The following MBD5 variants were observed in gnomAD, a reference collection of about 807,000 sequenced individuals.
MBD5 encodes the protein methyl-CpG-binding domain protein 5.
Under a neutral mutation model 117.3 loss-of-function variants are expected in MBD5, and 13 were observed. That is an observed-to-expected ratio of 0.11 (90% CI 0.07 to 0.18). The LOEUF (loss-of-function observed/expected upper bound fraction) is 0.18, where lower values mean the gene tolerates loss of function less well. MBD5 is among the 10% of genes least tolerant of loss of function. The pLI, the probability that MBD5 is intolerant of heterozygous loss-of-function variation, is 1.00. For synonymous variants in MBD5, 727 were observed against 766.4 expected (o/e 0.95, Z 0.85); for missense variants, 1,879 against 2,093.8 (o/e 0.90, Z 2.00).
At chr2:148,428,883 A>G (rs1381357553) in intron 4 of MBD5, among the ~76,000 whole-genome samples, 2 of 152,228 alleles carry the variant, frequency 1.3e-5, no homozygotes, top group African/African-American at 2.4e-5. Flanking sequence ...ACCTAAAACC[A>G]TAAAAACGCT....
At chr2:148,440,940 T>C (rs1048240480) in intron 4 of MBD5, among the ~76,000 whole-genome samples, 2 of 151,886 alleles carry the variant, frequency 1.3e-5, no homozygotes, top group Non-Finnish European at 2.9e-5. Flanking sequence ...CAGAATACAA[T>C]GGTATCTTGG....
chr2:148,345,316 C>CACAT (rs1553503471), intron 4 of MBD5, among the ~76,000 whole-genome samples: 1 of 146,356 alleles, frequency 6.8e-6, no homozygotes, highest in Non-Finnish European at 1.5e-5. Flanking sequence ...TATACACACA[C>CACAT]ATATATATAT....
In MBD5 at chr2:148,512,751, A is replaced by G; in HGVS notation, c.5113-119A>G. 6 of 871,148 alleles carry G rather than the reference A, an allele frequency of 6.9e-6. No homozygotes were observed. In the Admixed American group the frequency reaches 9.0e-5, roughly 13 times the overall value. 54.0% of individuals were successfully genotyped at this position (871,148 alleles called of 1,614,324 possible). On this transcript the variant is annotated intron_variant, in intron 13 of 13. Transcript: ENST00000642680. ...AACATTTGAAGTGCCTCAGGATATC[A>G]GTAATTGAAAGTGAAAGCCAGAGTC...
chr2:148,278,115 G>C (rs1212333623), intron 3 of MBD5, among the ~76,000 whole-genome samples: 2 of 152,064 alleles, frequency 1.3e-5, no homozygotes, highest in Non-Finnish European at 2.9e-5. Context: ...GCTTTTTCCG[G>C]AATGTCATAT....
chr2:148,475,277 G>T (rs1353411185), intron 8 of MBD5, among the ~76,000 whole-genome samples: 1 of 151,998 alleles, frequency 6.6e-6, no homozygotes, highest in Non-Finnish European at 1.5e-5. Flanking sequence ...CTAAATTCTG[G>T]ATTGTGTGAT....
chr2:148,325,814 GT>G (rs902937328), intron 3 of MBD5, among the ~76,000 whole-genome samples: 29 of 152,134 alleles, frequency 1.9e-4, no homozygotes, highest in African/African-American at 7.0e-4. Flanking sequence ...TTTTTGAACG[GT>G]TTTTTGTGTC....
intron 4 of MBD5, among the ~76,000 whole-genome samples, chr2:148,421,596 T>C (rs150813613): frequency 2.0e-5 from 3 of 151,978 alleles, no homozygotes; most frequent in African/African-American, 7.2e-5. Context: ...TTCACTCCCT[T>C]GGAAAGGGGG....
intron 8 of MBD5, chr2:148,471,328 G>T (rs1414286736): frequency 3.3e-5 from 5 of 152,088 alleles, no homozygotes; most frequent in Admixed American, 3.3e-4. Context: ...CTGTACAGAA[G>T]CACCTAAGAG....
At chr2:148,135,839 G>A (rs1697157868) in intron 1 of MBD5, among the ~76,000 whole-genome samples, 2 of 152,070 alleles carry the variant, frequency 1.3e-5, no homozygotes, top group African/African-American at 2.4e-5. Context: ...ACAAACACCA[G>A]ATAGACCTCC....
intron 1 of MBD5, among the ~76,000 whole-genome samples, chr2:148,108,076 C>T (rs1025714459): frequency 1.3e-5 from 2 of 152,026 alleles, no homozygotes; most frequent in African/African-American, 4.8e-5. Context: ...TATTTCCTCT[C>T]CCCCGAGTTC....
At chr2:148,163,655 TC>T (rs547411226) in intron 1 of MBD5, among the ~76,000 whole-genome samples, 8 of 152,296 alleles carry the variant, frequency 5.3e-5, no homozygotes, top group African/African-American at 1.9e-4. Context: ...GCTCAGGTGA[TC>T]TGTCTGCCTC....
intron 3 of MBD5, among the ~76,000 whole-genome samples, chr2:148,304,081 G>T (rs1445414473): frequency 6.6e-6 from 1 of 152,102 alleles, no homozygotes; most frequent in Non-Finnish European, 1.5e-5. Context: ...CCACACTGCA[G>T]ATCTCCCCGA....
intron 4 of MBD5, among the ~76,000 whole-genome samples, chr2:148,427,071 T>A (rs1267919673): frequency 6.6e-6 from 1 of 152,120 alleles, no homozygotes; most frequent in Non-Finnish European, 1.5e-5. Flanking sequence ...TCACTGGCCA[T>A]CAGAGAAATG....
At chr2:148,405,091 A>G (rs1407638704) in intron 4 of MBD5, among the ~76,000 whole-genome samples, 1 of 151,834 alleles carries the variant, frequency 6.6e-6, no homozygotes, top group Non-Finnish European at 1.5e-5. Flanking sequence ...TTTTCTTTCT[A>G]CCTTTATTCC....
At chr2:148,338,665 T>C (rs1163703253) in intron 3 of MBD5, among the ~76,000 whole-genome samples, 2 of 152,126 alleles carry the variant, frequency 1.3e-5, no homozygotes, top group Admixed American at 1.3e-4. Flanking sequence ...AAAATATGTG[T>C]ATTACTTTTT....
At chr2:148,353,355 T>G (rs902519918) in intron 4 of MBD5, among the ~76,000 whole-genome samples, 1 of 152,156 alleles carries the variant, frequency 6.6e-6, no homozygotes, top group Non-Finnish European at 1.5e-5. Flanking sequence ...AATGGTCCTT[T>G]GGCCCAAATT....
chr2:148,366,177 C>G (rs927039637), intron 4 of MBD5, among the ~76,000 whole-genome samples: 1 of 152,044 alleles, frequency 6.6e-6, no homozygotes, highest in Non-Finnish European at 1.5e-5. Flanking sequence ...TCAACACATG[C>G]AGATCAATAA....
intron 2 of MBD5, among the ~76,000 whole-genome samples, chr2:148,207,078 C>G (rs754755815): frequency 1.3e-5 from 2 of 152,014 alleles, no homozygotes; most frequent in Non-Finnish European, 2.9e-5. Context: ...AATTTTTGGC[C>G]AGAATACAAC....
At chr2:148,267,256 T>A (rs1700880650) in intron 3 of MBD5, among the ~76,000 whole-genome samples, 1 of 152,112 alleles carries the variant, frequency 6.6e-6, no homozygotes, top group Non-Finnish European at 1.5e-5. Flanking sequence ...ATAGAGAAAG[T>A]TACAGTTTGT....
Sources: gnomAD v4.1 joint callset for allele counts (sites outside exome capture counted in the v4.1 genomes callset) on GRCh38, gnomAD v4.1.1 for gene constraint, MANE v1.5 for transcripts, NCBI Gene and HGNC (gene_info 2026-07-23, HGNC 2026-07-21) for gene names.